The following ZNF782 variants were observed in gnomAD, a reference collection of about 807,000 sequenced individuals.
ZNF782 encodes the protein zinc finger protein 782.
Under a neutral mutation model 13.0 loss-of-function variants are expected in ZNF782, and 12 were observed. That is an observed-to-expected ratio of 0.92 (90% CI 0.59 to 1.50). The LOEUF (loss-of-function observed/expected upper bound fraction) is 1.50, where lower values mean the gene tolerates loss of function less well. Ranked by LOEUF, ZNF782 falls within the 40% of genes most tolerant of loss-of-function variation. The probability of loss-of-function intolerance (pLI) is 0.00; values close to 1 mark genes in which losing one functional copy is unlikely to be tolerated. For synonymous variants in ZNF782, 284 were observed against 283.0 expected (o/e 1.00, Z -0.04); for missense variants, 770 against 822.9 (o/e 0.94, Z 0.79).
At chr9:96,845,406 G>A (rs1176572902) in intron 3 of ZNF782, among the ~76,000 whole-genome samples, 3 of 152,246 alleles carry the variant, frequency 2.0e-5, no homozygotes, top group South Asian at 2.1e-4. Flanking sequence ...GGAATTACAG[G>A]TGCATGCCAC....
At chr9:96,922,600 G>A in the ZNF782 span, among the ~76,000 whole-genome samples, 7 of 152,264 alleles carry the variant, frequency 4.6e-5, no homozygotes, top group African/African-American at 1.2e-4. Context: ...GTGAAACCTC[G>A]TCTCTACTAA....
chr9:96,883,835 CA>C, the ZNF782 span, among the ~76,000 whole-genome samples: 1 of 152,202 alleles, frequency 6.6e-6, no homozygotes, highest in African/African-American at 2.4e-5. Context: ...TGATGAACTG[CA>C]GGGTGATGAG....
chr9:96,886,042 C>T, the ZNF782 span, among the ~76,000 whole-genome samples: 1 of 151,956 alleles, frequency 6.6e-6, no homozygotes, highest in Non-Finnish European at 1.5e-5. Flanking sequence ...GGGACAGGGT[C>T]TCCCTATGTT....
intron 1 of ZNF782, among the ~76,000 whole-genome samples, chr9:96,868,948 T>C (rs940000892): frequency 6.6e-6 from 1 of 152,208 alleles, no homozygotes; most frequent in Non-Finnish European, 1.5e-5. Context: ...ATGATGTCGA[T>C]GTTCCTGGCA....
At chr9:96,827,922 G>A (rs554501298) in intron 4 of ZNF782, among the ~76,000 whole-genome samples, 30 of 152,270 alleles carry the variant, frequency 2.0e-4, no homozygotes, top group African/African-American at 6.7e-4. Context: ...AAACCAGAGC[G>A]GAAAAAGAAT....
At chr9:96,868,792 G>A (rs1255858186) in intron 1 of ZNF782, among the ~76,000 whole-genome samples, 1 of 152,154 alleles carries the variant, frequency 6.6e-6, no homozygotes, top group Non-Finnish European at 1.5e-5. Context: ...ATAAACTAGA[G>A]CATATGACGG....
chr9:96,837,722 T>C (rs1001440060), intron 4 of ZNF782, among the ~76,000 whole-genome samples: 14 of 152,212 alleles, frequency 9.2e-5, no homozygotes, highest in Non-Finnish European at 1.8e-4. Context: ...CTATGTTGTA[T>C]TTTCATCTCT....
intron 4 of ZNF782, among the ~76,000 whole-genome samples, chr9:96,844,299 A>ATAGCAGCTT (rs1851277270): frequency 6.6e-6 from 1 of 152,240 alleles, no homozygotes. Flanking sequence ...GTGAAAGTTC[A>ATAGCAGCTT]TAGCAGCTTT....
chr9:96,929,158 G>A, the ZNF782 span: 1 of 1,553,312 alleles, frequency 6.4e-7, no homozygotes, highest in Non-Finnish European at 8.9e-7. Context: ...AGCACTGGAT[G>A]TCCCCAAGGA....
upstream of ZNF782, among the ~76,000 whole-genome samples, chr9:96,857,114 C>T (rs1851653119): frequency 6.6e-6 from 1 of 152,190 alleles, no homozygotes. Flanking sequence ...TCAAGCTTGA[C>T]GTACTTGTAA....
chr9:96,819,968 GA>G (rs763905898), intron 5 of ZNF782, among the ~76,000 whole-genome samples, 190 bp from the exon 6 acceptor site: 78 of 151,704 alleles, frequency 5.1e-4, no homozygotes, highest in Non-Finnish European at 1.0e-3. Flanking sequence ...TTTTGTAGTA[GA>G]AAAAGAAATG....
chr9:96,884,235 G>T, the ZNF782 span, among the ~76,000 whole-genome samples: 39 of 152,194 alleles, frequency 2.6e-4, no homozygotes, highest in African/African-American at 9.4e-4. Flanking sequence ...CCCCACAGGG[G>T]TAGTGTCAGT....
chr9:96,912,198 GAA>G, the ZNF782 span, among the ~76,000 whole-genome samples: 812 of 56,682 alleles, frequency 0.014, 8 homozygotes, highest in African/African-American at 0.047. Flanking sequence ...ACTCCGTCTC[GAA>G]AAAAAAAAAA....
rs1850218013 is a variant in ZNF782 at position 96,817,781 on chromosome 9, C to G, written c.*142G>C. ...AGATTTCAACAATTTATCTTCTATT[C>G]TTTGATATTTGGTGGAGGCTGAAAT... On this transcript the variant is annotated 3_prime_UTR_variant, in exon 6 of 6. Coordinates refer to ENST00000481138, the MANE Select transcript of ZNF782 (RefSeq NM_001001662.3). 2.9e-6 allele frequency: 2 copies of G among 689,742 alleles called. No homozygotes were observed. Among genetic ancestry groups the G allele is most frequent in the African/African-American group, 3.7e-5 (2 of 54,484 alleles). 42.7% of individuals were successfully genotyped at this position (689,742 alleles called of 1,614,324 possible).
upstream of ZNF782, among the ~76,000 whole-genome samples, chr9:96,856,999 G>T (rs1055686650): frequency 6.6e-6 from 1 of 152,188 alleles, no homozygotes; most frequent in African/African-American, 2.4e-5. Flanking sequence ...AGCAGCCACT[G>T]GGGGGCTCTC....
the ZNF782 span, among the ~76,000 whole-genome samples, chr9:96,933,054 T>C: frequency 6.7e-6 from 1 of 148,360 alleles, no homozygotes; most frequent in African/African-American, 2.5e-5. Context: ...CTCGGCTCAC[T>C]GCAAGCTCTA....
chr9:96,884,578 A>C, the ZNF782 span, among the ~76,000 whole-genome samples: 1 of 152,018 alleles, frequency 6.6e-6, no homozygotes, highest in Non-Finnish European at 1.5e-5. Context: ...CCCCGAAGGC[A>C]GTGGAGCCAG....
the ZNF782 span, among the ~76,000 whole-genome samples, chr9:96,881,418 G>A: frequency 6.6e-6 from 1 of 152,014 alleles, no homozygotes; most frequent in Non-Finnish European, 1.5e-5. Flanking sequence ...TATAAGCACA[G>A]CTTTAGGTGC....
At chr9:96,870,409 A>C (rs1169974403) in intron 1 of ZNF782, among the ~76,000 whole-genome samples, 1 of 152,172 alleles carries the variant, frequency 6.6e-6, no homozygotes, top group African/African-American at 2.4e-5. Context: ...ACCCCTCATC[A>C]AAAAAGACAG....
Sources: allele counts gnomAD v4.1 joint callset (sites outside exome capture counted in the v4.1 genomes callset), GRCh38; gene constraint gnomAD v4.1.1; transcripts MANE v1.5; gene names NCBI Gene and HGNC (gene_info 2026-07-23, HGNC 2026-07-21).